Variants in CRPPA observed in about 807,000 individuals in gnomAD.
The protein encoded by CRPPA is D-ribitol-5-phosphate cytidylyltransferase.
CRPPA carries 43 observed loss-of-function variants against 52.0 expected under a neutral mutation model. The ratio of observed to expected loss-of-function variants is 0.83; its 90% CI spans 0.65 to 1.07. The LOEUF (loss-of-function observed/expected upper bound fraction) is 1.07. Among genes scored for constraint, CRPPA ranks in the 50% least tolerant of loss-of-function variants. The probability of loss-of-function intolerance (pLI) is 0.00; values close to 1 mark genes in which losing one functional copy is unlikely to be tolerated. For missense variants in CRPPA, 629 were observed against 551.7 expected, an observed-to-expected ratio of 1.14 and a Z score of -1.40; for synonymous variants, 250 against 203.5, an observed-to-expected ratio of 1.23 and a Z score of -1.94.
At chr7:16,268,059 G>A (rs1783999135) in intron 6 of CRPPA, among the ~76,000 whole-genome samples, 1 of 151,872 alleles carries the variant, frequency 6.6e-6, no homozygotes, top group South Asian at 2.1e-4. Flanking sequence ...TAAATTGAGG[G>A]ACAACTGTAT....
chr7:16,146,153 C>T lies in CRPPA; in HGVS notation c.1252-54354G>A, dbSNP rs113554846. 2.5e-4 allele frequency among the ~76,000 whole-genome samples: 37 copies of T among 150,882 alleles called. No individual in the cohort carries two copies. The Middle Eastern group carries it at 0.01, about 42-fold the overall frequency. On this transcript the variant is annotated intron_variant, in intron 9 of 9. Transcript: ENST00000407010. ...AGAAACCTTTCAAGCCAAGAGAAAA[C>T]GGGAAAATGTAATCAAAGTACTGAG...
At chr7:16,260,520 T>C (rs772211768) in intron 6 of CRPPA, among the ~76,000 whole-genome samples, 2 of 152,048 alleles carry the variant, frequency 1.3e-5, no homozygotes, top group Non-Finnish European at 2.9e-5. Context: ...GCTACTGCTG[T>C]GGTTATAAAT....
intron 3 of CRPPA, among the ~76,000 whole-genome samples, chr7:16,349,095 C>T (rs972322890): frequency 6.6e-6 from 1 of 152,184 alleles, no homozygotes; most frequent in Non-Finnish European, 1.5e-5. Flanking sequence ...GATAAATATG[C>T]ATGCTTAGCT....
chr7:16,105,133 G>T (rs1335686658), intron 9 of CRPPA, among the ~76,000 whole-genome samples: 1 of 151,550 alleles, frequency 6.6e-6, no homozygotes, highest in Non-Finnish European at 1.5e-5. Context: ...AATAGGTGAG[G>T]TCAGCAAGAT....
intron 6 of CRPPA, chr7:16,266,450 C>T (rs1280903407): frequency 6.6e-6 from 1 of 150,938 alleles, no homozygotes; most frequent in African/African-American, 2.4e-5. Flanking sequence ...GCACCTGACA[C>T]AAAGAATTTA....
chr7:16,285,196 A>C (rs946929280), intron 5 of CRPPA, among the ~76,000 whole-genome samples: 2 of 152,172 alleles, frequency 1.3e-5, no homozygotes, highest in African/African-American at 4.8e-5. Flanking sequence ...TCAGAGGTTG[A>C]AGTAAAAATA....
At chr7:16,397,967 A>C (rs1049157906) in intron 2 of CRPPA, among the ~76,000 whole-genome samples, 5 of 152,230 alleles carry the variant, frequency 3.3e-5, no homozygotes, top group Non-Finnish European at 5.9e-5. Context: ...CATGTGACTT[A>C]CATGCCATTG....
At chr7:16,181,222 ATG>A (rs1289575279) in intron 9 of CRPPA, among the ~76,000 whole-genome samples, 1 of 151,934 alleles carries the variant, frequency 6.6e-6, no homozygotes, top group African/African-American at 2.4e-5. Flanking sequence ...ATGTGATACA[ATG>A]TAATTATTTT....
chr7:16,286,059 AT>A lies in CRPPA; in HGVS notation c.836-7834del, dbSNP rs1439789692. On this transcript the variant is annotated intron_variant, in intron 5 of 9. Coordinates refer to ENST00000407010, the MANE Select transcript of CRPPA (RefSeq NM_001101426.4). The stretch of plus-strand genomic sequence containing the variant: ...AAAAAATATAAATATATATATATAT[AT>A]ATATATATATATATATATATAATAT... Among the ~76,000 whole-genome samples, 15 of 38,894 alleles carry A rather than the reference AT, an allele frequency of 3.9e-4. 1 individual carries two copies. The highest frequency in any genetic ancestry group is 2.0e-3 in the African/African-American group (12 of 5,908). 25.5% of individuals were successfully genotyped at this position (38,894 alleles called of 152,430 possible). A position where few individuals can be genotyped will look rare whatever the true frequency, so the allele number is the denominator to read the frequency against.
intron 3 of CRPPA, among the ~76,000 whole-genome samples, chr7:16,358,104 G>T (rs185888019): frequency 1.1e-3 from 164 of 152,280 alleles, no homozygotes; most frequent in African/African-American, 3.8e-3. Context: ...CTCCATGAGG[G>T]TTTACACAGG....
intron 2 of CRPPA, among the ~76,000 whole-genome samples, chr7:16,393,737 A>C (rs1468234923): frequency 1.3e-5 from 2 of 152,188 alleles, no homozygotes; most frequent in African/African-American, 4.8e-5. Flanking sequence ...AAGATTAAAA[A>C]ATGCTTATTT....
chr7:16,287,207 C>G (rs1193175541), intron 5 of CRPPA, among the ~76,000 whole-genome samples: 2 of 152,166 alleles, frequency 1.3e-5, no homozygotes, highest in Non-Finnish European at 2.9e-5. Context: ...AAATTGTCAA[C>G]TTTAAGATTT....
chr7:16,256,328 T>A (rs1241974467), intron 8 of CRPPA, among the ~76,000 whole-genome samples: 2 of 150,982 alleles, frequency 1.3e-5, no homozygotes, highest in Non-Finnish European at 3.0e-5. Context: ...TTTTACACTG[T>A]TGGTGACATT....
intron 1 of CRPPA, among the ~76,000 whole-genome samples, chr7:16,412,451 T>C (rs1194811107): frequency 6.6e-6 from 1 of 152,164 alleles, no homozygotes; most frequent in Non-Finnish European, 1.5e-5. Flanking sequence ...AAAAAAAAGT[T>C]TGGAAAACAC....
intron 1 of CRPPA, among the ~76,000 whole-genome samples, chr7:16,414,869 T>A (rs1209149923): frequency 1.3e-5 from 2 of 152,216 alleles, no homozygotes; most frequent in African/African-American, 4.8e-5. Context: ...TTCCTAGTAA[T>A]AGCCATATGC....
At chr7:16,162,973 CTT>C (rs377244023) in intron 9 of CRPPA, among the ~76,000 whole-genome samples, 45 of 120,824 alleles carry the variant, frequency 3.7e-4, no homozygotes, top group African/African-American at 1.2e-3. Context: ...TTTTCTTTCT[CTT>C]TTTTTTTTTT....
At chr7:16,156,712 A>G (rs1364264581) in intron 9 of CRPPA, among the ~76,000 whole-genome samples, 2 of 152,224 alleles carry the variant, frequency 1.3e-5, no homozygotes, top group African/African-American at 4.8e-5. Flanking sequence ...ATGGCAAGAA[A>G]TCCAGTCTTC....
At chr7:16,352,619 T>G (rs2128308013) in intron 3 of CRPPA, among the ~76,000 whole-genome samples, 1 of 152,134 alleles carries the variant, frequency 6.6e-6, no homozygotes, top group East Asian at 1.9e-4. Flanking sequence ...GGTGAGGATG[T>G]GGCAAAAAGG....
chr7:16,296,568 G>C (rs887490520), intron 5 of CRPPA, among the ~76,000 whole-genome samples: 1 of 151,642 alleles, frequency 6.6e-6, no homozygotes, highest in Non-Finnish European at 1.5e-5. Flanking sequence ...TTATTTGAGA[G>C]AAAAAACAGC....
Sources: allele counts gnomAD v4.1 joint callset (sites outside exome capture counted in the v4.1 genomes callset), GRCh38; gene constraint gnomAD v4.1.1; transcripts MANE v1.5; gene names NCBI Gene and HGNC (gene_info 2026-07-23, HGNC 2026-07-21).